The following ASRGL1 variants were observed in gnomAD, a reference collection of about 807,000 sequenced individuals.
ASRGL1 encodes isoaspartyl peptidase/L-asparaginase.
Under a neutral mutation model 22.4 loss-of-function variants are expected in ASRGL1, and 16 were observed. The observed-to-expected ratio is 0.71, with a 90% CI of 0.48 to 1.08. The LOEUF (loss-of-function observed/expected upper bound fraction) is 1.08. Ranked by LOEUF, ASRGL1 falls within the 50% of genes least tolerant of loss-of-function variation. The pLI is 0.00. For synonymous variants in ASRGL1, 165 were observed against 159.3 expected, an observed-to-expected ratio of 1.04 and a Z score of -0.27; for missense variants, 412 against 410.1, an observed-to-expected ratio of 1.00 and a Z score of -0.04.
intron 2 of ASRGL1, among the ~76,000 whole-genome samples, chr11:62,347,698 T>G (rs1225957100): frequency 6.6e-6 from 1 of 151,648 alleles, no homozygotes; most frequent in African/African-American, 2.4e-5. Context: ...TCTCAGCACT[T>G]TGGGAGGCTA....
At chr11:62,365,286 G>T (rs1025856387) in intron 4 of ASRGL1, among the ~76,000 whole-genome samples, 1 of 151,976 alleles carries the variant, frequency 6.6e-6, no homozygotes, top group Non-Finnish European at 1.5e-5. Flanking sequence ...AGATGCAGTG[G>T]CTCATGCCTC....
At chr11:62,350,474 A>G (rs564513651) in intron 2 of ASRGL1, among the ~76,000 whole-genome samples, 1 of 152,298 alleles carries the variant, frequency 6.6e-6, no homozygotes, top group South Asian at 2.1e-4. Context: ...TTCTGGGGCA[A>G]ATGGTAGACC....
At chr11:62,377,618 C>T (rs537189198) in intron 4 of ASRGL1, among the ~76,000 whole-genome samples, 57 of 152,130 alleles carry the variant, frequency 3.7e-4, no homozygotes, top group South Asian at 1.9e-3. Context: ...AAGAACTGGA[C>T]GATTTTTGTT....
chr11:62,389,740 C>G (rs896615302), intron 5 of ASRGL1: 4 of 239,906 alleles, frequency 1.7e-5, no homozygotes, highest in Non-Finnish European at 3.3e-5. Flanking sequence ...CGGGGAAGCA[C>G]GCCATCTCAT....
At chr11:62,389,641 AATCTGAGACTGCAGTTGTTAG>A in intron 5 of ASRGL1, 2 of 343,732 alleles carry the variant, frequency 5.8e-6, no homozygotes. Flanking sequence ...CAATCTGAGA[AATCTGAGACTGCAGTTGTTAG>A]ATCTGAGCAG....
At chr11:62,381,194 T>TG in intron 4 of ASRGL1, among the ~76,000 whole-genome samples, 1 of 152,324 alleles carries the variant, frequency 6.6e-6, no homozygotes, top group African/African-American at 2.4e-5. Context: ...TTGTCTAACC[T>TG]GCATTTGAGG....
In ASRGL1 at chr11:62,389,260, A is replaced by G; in HGVS notation, c.610+9A>G. 6.2e-7 allele frequency: 1 copy of G among 1,606,146 alleles called. No homozygotes were observed. Among genetic ancestry groups the G allele is most frequent in the Non-Finnish European group, 8.5e-7 (1 of 1,172,748 alleles). On this transcript the variant is annotated intron_variant, in intron 5 of 6. Coordinates refer to ENST00000415229, the MANE Select transcript of ASRGL1 (RefSeq NM_001083926.2). Reference sequence around the variant, plus strand: ...GGACTCACCGTGTCTAGGTAGGACCAAGGGATGCCTCCTGCCCCTTCCCCT... The same window carrying G: ...GGACTCACCGTGTCTAGGTAGGACCGAGGGATGCCTCCTGCCCCTTCCCCT...
At chr11:62,338,849 G>A (rs1945793718) in intron 2 of ASRGL1, among the ~76,000 whole-genome samples, 1 of 148,188 alleles carries the variant, frequency 6.7e-6, no homozygotes, top group East Asian at 2.0e-4. Context: ...GGAGGCCGAG[G>A]CAGGAGAATA....
chr11:62,399,091 C>G, the ASRGL1 span, among the ~76,000 whole-genome samples: 1 of 152,212 alleles, frequency 6.6e-6, no homozygotes, highest in African/African-American at 2.4e-5. Context: ...TGGCACATGC[C>G]TGTAGTCCCA....
chr11:62,380,595 A>T (rs923795240), intron 4 of ASRGL1, among the ~76,000 whole-genome samples: 1 of 152,146 alleles, frequency 6.6e-6, no homozygotes, highest in African/African-American at 2.4e-5. Context: ...GTGCCCCATC[A>T]ATCCACCAAC....
chr11:62,385,902 G>A (rs889602942), intron 4 of ASRGL1, among the ~76,000 whole-genome samples: 1 of 151,588 alleles, frequency 6.6e-6, no homozygotes, highest in African/African-American at 2.4e-5. Flanking sequence ...AGTGGCTTAC[G>A]CCTGTAATTC....
chr11:62,369,516 C>T (rs928220535), intron 4 of ASRGL1, among the ~76,000 whole-genome samples: 11 of 152,224 alleles, frequency 7.2e-5, no homozygotes, highest in Admixed American at 7.2e-4. Context: ...GTCGCTGTCT[C>T]TTCGGAGCTG....
chr11:62,340,942 A>G (rs1057460905), intron 2 of ASRGL1, among the ~76,000 whole-genome samples: 2 of 152,242 alleles, frequency 1.3e-5, no homozygotes, highest in African/African-American at 4.8e-5. Context: ...CATTATGTTT[A>G]TTTACATTCT....
At position 62,386,485 on chromosome 11, in the gene ASRGL1, T is replaced by G. The variant is rs1413214537; in HGVS notation, c.492-2648T>G. 1.4e-5 allele frequency among the ~76,000 whole-genome samples: 2 copies of G among 141,962 alleles called. 1 individual carries two copies. Among genetic ancestry groups the G allele is most frequent in the South Asian group, 4.4e-4 (2 of 4,496 alleles). The allele number at this position is 141,962 out of a possible 152,430, so 93.1% of individuals were successfully genotyped here. A position where few individuals can be genotyped will look rare whatever the true frequency, so the allele number is the denominator to read the frequency against. ...CATACATATCATAGATATGTACATATATATGTACATATATAGATATGTATA... is the reference window on the plus strand; with the variant it reads ...CATACATATCATAGATATGTACATAGATATGTACATATATAGATATGTATA... On this transcript the variant is annotated intron_variant, in intron 4 of 6. Coordinates refer to ENST00000415229, the MANE Select transcript of ASRGL1 (RefSeq NM_001083926.2).
chr11:62,396,744 T>A (rs1231316929), downstream of ASRGL1, among the ~76,000 whole-genome samples: 1 of 148,768 alleles, frequency 6.7e-6, no homozygotes, highest in Non-Finnish European at 1.5e-5. Context: ...CCATGGACTC[T>A]GCTGATAGGG....
downstream of ASRGL1, among the ~76,000 whole-genome samples, chr11:62,395,512 T>C (rs1947421769): frequency 6.6e-6 from 1 of 151,960 alleles, no homozygotes; most frequent in Non-Finnish European, 1.5e-5. Flanking sequence ...ATAATACACA[T>C]TTTTCTCAAA....
chr11:62,400,884 G>T, the ASRGL1 span, among the ~76,000 whole-genome samples: 4 of 152,260 alleles, frequency 2.6e-5, no homozygotes, highest in East Asian at 5.8e-4. Context: ...AGAGACGGCC[G>T]CACAATGAAA....
At chr11:62,344,610 G>A (rs1376819241) in intron 2 of ASRGL1, among the ~76,000 whole-genome samples, 1 of 138,954 alleles carries the variant, frequency 7.2e-6, no homozygotes, top group South Asian at 2.2e-4. Flanking sequence ...TTTTTTTTTT[G>A]TGGCTACATA....
rs11826669 is a variant in ASRGL1, at chr11:62,374,941, G to A, written c.492-14192G>A. On this transcript the variant is annotated intron_variant, in intron 4 of 6. Transcript: ENST00000415229. ...CCTGGAACGCAGCCCAGGCACCTGT[G>A]CTCCTGGAACCCTTGAGGTCTCTCC... 4.3e-3 allele frequency among the ~76,000 whole-genome samples: 654 copies of A among 152,208 alleles called. 3 individuals are homozygous for A. Among genetic ancestry groups the A allele is most frequent in the African/African-American group, 0.015 (605 of 41,514 alleles).
Sources: allele counts gnomAD v4.1 joint callset (sites outside exome capture counted in the v4.1 genomes callset), GRCh38; gene constraint gnomAD v4.1.1; transcripts MANE v1.5; gene names NCBI Gene and HGNC (gene_info 2026-07-23, HGNC 2026-07-21).